Variants in RASSF3 observed in about 807,000 individuals in gnomAD.
The protein encoded by RASSF3 is ras association domain-containing protein 3.
In RASSF3, 19 loss-of-function variants were observed where a neutral mutation model predicts 19.9. The ratio of observed to expected loss-of-function variants is 0.96; its 90% CI spans 0.67 to 1.40. RASSF3 has a LOEUF of 1.40. Among genes scored for constraint, RASSF3 ranks in the 40% most tolerant of loss-of-function variants. The pLI is 0.00. For synonymous variants in RASSF3, 110 were observed against 104.2 expected (o/e 1.06, Z -0.34); for missense variants, 306 against 289.8 (o/e 1.06, Z -0.41).
At chr12:64,601,743 G>A (rs777649121) in intron 2 of RASSF3, among the ~76,000 whole-genome samples, 4 of 152,026 alleles carry the variant, frequency 2.6e-5, no homozygotes, top group Non-Finnish European at 4.4e-5. Context: ...ACCCTGGGAG[G>A]GGGAGGCTTC....
At chr12:64,517,651 TTCTG>T (rs776027721) in intron 1 of RASSF3, among the ~76,000 whole-genome samples, 4 of 151,958 alleles carry the variant, frequency 2.6e-5, no homozygotes, top group Admixed American at 1.3e-4. Context: ...CAGGGTCTTG[TTCTG>T]TCACCCGGGC....
intron 2 of RASSF3, among the ~76,000 whole-genome samples, chr12:64,580,673 G>A (rs540770353): frequency 3.2e-4 from 49 of 151,918 alleles, no homozygotes; most frequent in African/African-American, 1.2e-3. Context: ...AAATCAAGGT[G>A]TCAATAAGGC....
intron 1 of RASSF3, among the ~76,000 whole-genome samples, chr12:64,520,555 C>CACACATATATATATATATAT (rs1435123674): frequency 1.2e-5 from 1 of 86,360 alleles, no homozygotes. Flanking sequence ...CACATACACA[C>CACACATATATATATATATAT]ATATATATAT....
At chr12:64,606,093 G>A (rs1039701607), upstream of RASSF3, among the ~76,000 whole-genome samples, 12 of 152,056 alleles carry the variant, frequency 7.9e-5, no homozygotes, top group African/African-American at 2.9e-4. Context: ...AGAGGAAGAA[G>A]ACATAGTCTT....
intron 1 of RASSF3, among the ~76,000 whole-genome samples, chr12:64,682,594 G>T (rs1207795308): frequency 6.6e-6 from 1 of 150,430 alleles, no homozygotes; most frequent in Non-Finnish European, 1.5e-5. Context: ...AAAAGTCACC[G>T]AGATAATTTG....
intron 1 of RASSF3, among the ~76,000 whole-genome samples, chr12:64,630,181 A>G (rs1871129554): frequency 6.6e-6 from 1 of 152,016 alleles, no homozygotes; most frequent in Non-Finnish European, 1.5e-5. Context: ...TCAAAAGGGA[A>G]AATGTGGGCT....
chr12:64,678,827 CTTATA>C (rs1381389185), intron 1 of RASSF3, among the ~76,000 whole-genome samples: 2 of 152,068 alleles, frequency 1.3e-5, no homozygotes, highest in African/African-American at 4.8e-5. Context: ...TGAATAATGG[CTTATA>C]TTATATCTTC....
At chr12:64,586,338 A>AAT (rs1869799504) in intron 2 of RASSF3, among the ~76,000 whole-genome samples, 1 of 151,528 alleles carries the variant, frequency 6.6e-6, no homozygotes, top group South Asian at 2.1e-4. Flanking sequence ...AAAAAAAAAA[A>AAT]AATTAGCTGG....
At chr12:64,508,417 T>A (rs1868304863) in intron 1 of RASSF3, among the ~76,000 whole-genome samples, 1 of 150,370 alleles carries the variant, frequency 6.7e-6, no homozygotes, top group Non-Finnish European at 1.5e-5. Flanking sequence ...CTCAGGAGAC[T>A]GAGGCAAGAG....
chr12:64,511,125 C>T (rs1215951863), intron 1 of RASSF3, among the ~76,000 whole-genome samples: 2 of 152,158 alleles, frequency 1.3e-5, no homozygotes, highest in South Asian at 2.1e-4. Context: ...TGCTGAAGAG[C>T]GGCATGGAGG....
chr12:64,524,351 T>C (rs1038203492), intron 1 of RASSF3, among the ~76,000 whole-genome samples: 1 of 152,002 alleles, frequency 6.6e-6, no homozygotes, highest in African/African-American at 2.4e-5. Context: ...CCTCCCAAAG[T>C]GCTACGATTA....
chr12:64,607,353 C>T (rs1870211513), upstream of RASSF3, among the ~76,000 whole-genome samples: 1 of 130,240 alleles, frequency 7.7e-6, no homozygotes, highest in South Asian at 2.3e-4. Context: ...ACAATTCTTC[C>T]TTCCTTTATT....
At chr12:64,508,360 C>CA (rs1315991127) in intron 1 of RASSF3, among the ~76,000 whole-genome samples, 15 of 151,174 alleles carry the variant, frequency 9.9e-5, no homozygotes, top group East Asian at 3.9e-4. Context: ...ACTAAAAATA[C>CA]AAAAAAATTA....
chr12:64,641,199 C>G (rs992799876), intron 1 of RASSF3, among the ~76,000 whole-genome samples: 2 of 151,338 alleles, frequency 1.3e-5, no homozygotes, highest in African/African-American at 4.9e-5. Flanking sequence ...AGTTGGAGAC[C>G]AGCCTGGGCA....
At chr12:64,610,911 G>T (rs1187103619) in intron 1 of RASSF3, among the ~76,000 whole-genome samples, 168 bp downstream of exon 1, 1 of 152,194 alleles carries the variant, frequency 6.6e-6, no homozygotes, top group Non-Finnish European at 1.5e-5. Context: ...CCGGGAACGT[G>T]CCTGGAGCTT....
At chr12:64,578,389 C>T (rs533499055) in intron 2 of RASSF3, among the ~76,000 whole-genome samples, 1 of 152,168 alleles carries the variant, frequency 6.6e-6, no homozygotes, top group Non-Finnish European at 1.5e-5. Context: ...TGTGGTGGCT[C>T]CTGCCTGTAA....
chr12:64,668,033 G>A (rs1872581040), intron 1 of RASSF3, among the ~76,000 whole-genome samples: 1 of 152,210 alleles, frequency 6.6e-6, no homozygotes, highest in Non-Finnish European at 1.5e-5. Context: ...TGGTTATGGG[G>A]TTGGCCAGGC....
downstream of RASSF3, among the ~76,000 whole-genome samples, chr12:64,543,418 CCCGGCT>C (rs1565836064): frequency 7.9e-4 from 41 of 52,120 alleles, 1 homozygote; most frequent in African/African-American, 1.8e-3. Context: ...TTTCCCGCCC[CCCGGCT>C]CCCCGCCCGC....
chr12:64,689,889 G>T (rs368994044), intron 3 of RASSF3, among the ~76,000 whole-genome samples: 2 of 141,908 alleles, frequency 1.4e-5, no homozygotes, highest in African/African-American at 5.3e-5. Flanking sequence ...CCGGGTTCAC[G>T]CCATTCTCCT....
Sources: allele counts gnomAD v4.1 joint callset (sites outside exome capture counted in the v4.1 genomes callset), GRCh38; gene constraint gnomAD v4.1.1; transcripts MANE v1.5; gene names NCBI Gene and HGNC (gene_info 2026-07-23, HGNC 2026-07-21).